LIMCH1: variants seen among roughly 807,000 people sequenced by gnomAD.
LIMCH1 encodes LIM and calponin homology domains-containing protein 1.
A neutral mutation model predicts 176.5 loss-of-function variants in LIMCH1; 113 were observed. The ratio of observed to expected loss-of-function variants is 0.64; its 90% CI spans 0.55 to 0.75. The LOEUF (loss-of-function observed/expected upper bound fraction) is 0.75, where lower values mean the gene tolerates loss of function less well. Ranked by LOEUF, LIMCH1 falls within the 30% of genes least tolerant of loss-of-function variation. LIMCH1 has a pLI of 0.00. For synonymous variants in LIMCH1, 619 were observed against 645.9 expected, an observed-to-expected ratio of 0.96 and a Z score of 0.63; for missense variants, 1,674 against 1,814.9, an observed-to-expected ratio of 0.92 and a Z score of 1.41.
At chr4:41,393,064 T>C (rs986590205) in intron 1 of LIMCH1, among the ~76,000 whole-genome samples, 4 of 152,150 alleles carry the variant, frequency 2.6e-5, no homozygotes, top group African/African-American at 9.7e-5. Flanking sequence ...ATATCTTTTA[T>C]TTTTTGGTCG....
Position 41,603,886 on chromosome 4 carries a change from A to G in LIMCH1, c.-122A>G. 6.2e-7 allele frequency: 1 copy of G among 1,607,790 alleles called. No homozygotes were observed. Among genetic ancestry groups the G allele is most frequent in the Non-Finnish European group, 8.5e-7 (1 of 1,175,040 alleles). ...CTTTCCTTGACTAGGAGCCTTGATTATAGTAGGAAGCTGAAAAATGTAAGT... is the reference window on the plus strand; with the variant it reads ...CTTTCCTTGACTAGGAGCCTTGATTGTAGTAGGAAGCTGAAAAATGTAAGT... On this transcript the variant is annotated 5_prime_UTR_variant, in exon 3 of 32. Coordinates refer to ENST00000503057, the MANE Select transcript of LIMCH1 (RefSeq NM_001330672.2).
chr4:41,394,979 A>G (rs2057643582), intron 1 of LIMCH1, among the ~76,000 whole-genome samples: 1 of 152,220 alleles, frequency 6.6e-6, no homozygotes, highest in African/African-American at 2.4e-5. Context: ...GACAAGACAT[A>G]CTTCTTGATA....
intron 2 of LIMCH1, among the ~76,000 whole-genome samples, chr4:41,602,124 C>CA (rs540240960): frequency 0.014 from 1,042 of 73,148 alleles, 24 homozygotes; most frequent in East Asian, 0.045. Context: ...TTGAGTAGAC[C>CA]AAAAAAAAAA....
chr4:41,378,969 G>A (rs763843603), intron 1 of LIMCH1, among the ~76,000 whole-genome samples: 7 of 152,116 alleles, frequency 4.6e-5, no homozygotes, highest in Non-Finnish European at 7.3e-5. Flanking sequence ...GAGAGTAGGT[G>A]TAAATAGTAG....
At chr4:41,557,786 G>A (rs1004884054) in intron 1 of LIMCH1, among the ~76,000 whole-genome samples, 2 of 152,142 alleles carry the variant, frequency 1.3e-5, no homozygotes, top group Non-Finnish European at 2.9e-5. Flanking sequence ...AGTGCCAAGG[G>A]CGGTTCTAAA....
chr4:41,652,876 G>A (rs995359745), intron 18 of LIMCH1, among the ~76,000 whole-genome samples: 3 of 152,178 alleles, frequency 2.0e-5, no homozygotes, highest in African/African-American at 7.2e-5. Context: ...GTTGCCTAAG[G>A]ATGCAGGTCT....
At chr4:41,406,186 C>T (rs569579932) in intron 1 of LIMCH1, among the ~76,000 whole-genome samples, 1 of 152,260 alleles carries the variant, frequency 6.6e-6, no homozygotes, top group South Asian at 2.1e-4. Context: ...AGTGTTTCTG[C>T]CTTGAAGAAA....
intron 9 of LIMCH1, 108 bp downstream of exon 9, chr4:41,629,842 C>G: frequency 1.5e-6 from 2 of 1,291,384 alleles, no homozygotes; most frequent in African/African-American, 1.5e-5. Flanking sequence ...GGGTCTTGCT[C>G]TGTTGCCCAG....
chr4:41,440,987 C>T (rs775830334), intron 1 of LIMCH1, among the ~76,000 whole-genome samples: 8 of 152,120 alleles, frequency 5.3e-5, no homozygotes, highest in Non-Finnish European at 1.0e-4. Context: ...TCTGATTGTT[C>T]ACAGATTCTT....
At chr4:41,623,097 A>T (rs2092699736) in intron 7 of LIMCH1, among the ~76,000 whole-genome samples, 1 of 152,160 alleles carries the variant, frequency 6.6e-6, no homozygotes, top group Non-Finnish European at 1.5e-5. Context: ...GAGTCATTCT[A>T]AGTTTATCCA....
At chr4:41,433,353 T>G (rs1422481513) in intron 1 of LIMCH1, among the ~76,000 whole-genome samples, 3 of 152,208 alleles carry the variant, frequency 2.0e-5, no homozygotes, top group Non-Finnish European at 2.9e-5. Flanking sequence ...TCTGATTGCT[T>G]TAATTACCTA....
chr4:41,678,739 T>C (rs1308762246), intron 23 of LIMCH1, among the ~76,000 whole-genome samples: 1 of 151,926 alleles, frequency 6.6e-6, no homozygotes, highest in Non-Finnish European at 1.5e-5. Flanking sequence ...CGTGTGTGTG[T>C]GTGTGTGAGT....
At chr4:41,468,348 T>TCCG (rs1187164500) in intron 1 of LIMCH1, among the ~76,000 whole-genome samples, 1 of 11,318 alleles carries the variant, frequency 8.8e-5, no homozygotes, top group Non-Finnish European at 2.3e-4. Flanking sequence ...CCTCCCCTCC[T>TCCG]CCTCCTCCCT....
intron 4 of LIMCH1, chr4:41,612,195 G>C (rs1430994054): frequency 1.8e-5 from 4 of 217,510 alleles, no homozygotes; most frequent in Non-Finnish European, 3.6e-5. Context: ...CCCCCGCAAA[G>C]GGCCTCCTGC....
intron 21 of LIMCH1, 63 bp from the exon 22 acceptor site, chr4:41,671,491 A>T: frequency 2.8e-6 from 4 of 1,418,296 alleles, no homozygotes; most frequent in Non-Finnish European, 4.0e-6. Context: ...TAGGTCAAAA[A>T]CAAAGACAAT....
rs1480711316 is a variant in LIMCH1, at chr4:41,684,282, C to T, written c.3846-115C>T. 3 of 769,396 alleles carry T rather than the reference C, an allele frequency of 3.9e-6. No individual in the cohort carries two copies. The Admixed American group carries it at 8.5e-5, about 22-fold the overall frequency. The allele number at this position is 769,396 out of a possible 1,614,324, so 47.7% of individuals were successfully genotyped here. ...TTTTAAAATAGAATAAATAAAGAGT[C>T]CCATCTCTTTTTTTATATTGTAATT... On this transcript the variant is annotated intron_variant, in intron 26 of 31. Transcript: ENST00000503057.
intron 4 of LIMCH1, among the ~76,000 whole-genome samples, chr4:41,609,338 T>C (rs1342822574): frequency 3.9e-5 from 6 of 152,030 alleles, no homozygotes; most frequent in Admixed American, 3.3e-4. Flanking sequence ...TTAAGACCCA[T>C]GAAGACAGGG....
At chr4:41,502,943 G>A (rs1417069561) in intron 2 of LIMCH1, among the ~76,000 whole-genome samples, 2 of 145,458 alleles carry the variant, frequency 1.4e-5, no homozygotes, top group Non-Finnish European at 3.0e-5. Context: ...ACACACCCCA[G>A]GTACAGACAT....
intron 13 of LIMCH1, among the ~76,000 whole-genome samples, chr4:41,637,756 G>A (rs1481161798): frequency 1.3e-5 from 2 of 152,168 alleles, no homozygotes; most frequent in African/African-American, 4.8e-5. Flanking sequence ...GATTATTCTA[G>A]AATGATAAAA....
Sources: gnomAD v4.1 joint callset for allele counts (sites outside exome capture counted in the v4.1 genomes callset) on GRCh38, gnomAD v4.1.1 for gene constraint, MANE v1.5 for transcripts, NCBI Gene and HGNC (gene_info 2026-07-23, HGNC 2026-07-21) for gene names.